Variants in ATXN2 observed in about 807,000 individuals in gnomAD.
The protein encoded by ATXN2 is ataxin-2.
A neutral mutation model predicts 138.6 loss-of-function variants in ATXN2; 37 were observed. The ratio of observed to expected loss-of-function variants is 0.27; its 90% CI spans 0.21 to 0.35. The LOEUF is 0.35. ATXN2 is among the 10% of genes least tolerant of loss of function. The pLI is 1.00. For synonymous variants in ATXN2, 549 were observed against 543.7 expected, an observed-to-expected ratio of 1.01 and a Z score of -0.13; for missense variants, 1,216 against 1,480.3, an observed-to-expected ratio of 0.82 and a Z score of 2.93.
At chr12:111,594,315 A>G (rs913566389) in intron 1 of ATXN2, among the ~76,000 whole-genome samples, 2 of 152,078 alleles carry the variant, frequency 1.3e-5, no homozygotes, top group African/African-American at 4.8e-5. Context: ...TGGAAGCATG[A>G]TGAACAACTA....
intron 18 of ATXN2, among the ~76,000 whole-genome samples, chr12:111,479,605 G>A (rs1877074239): frequency 6.6e-6 from 1 of 152,016 alleles, no homozygotes; most frequent in Non-Finnish European, 1.5e-5. Flanking sequence ...CACTGTTTAG[G>A]ACACACATAT....
intron 23 of ATXN2, chr12:111,454,882 C>A (rs1223199865): frequency 3.4e-6 from 2 of 591,250 alleles, no homozygotes; most frequent in East Asian, 2.9e-5. Flanking sequence ...GACCCCAGCT[C>A]TTATGAAGCT....
intron 21 of ATXN2, among the ~76,000 whole-genome samples, chr12:111,459,578 C>CTA (rs1396235286): frequency 6.6e-6 from 1 of 150,686 alleles, no homozygotes; most frequent in Non-Finnish European, 1.5e-5. Flanking sequence ...GTAGCTGGAA[C>CTA]TATAGGCAAG....
chr12:111,470,084 A>G (rs1038514337), intron 20 of ATXN2, 24 bp downstream of exon 20: 14 of 1,610,930 alleles, frequency 8.7e-6, no homozygotes, highest in Non-Finnish European at 1.2e-5. Flanking sequence ...ACACACTGGA[A>G]GAGACAAACA....
Position 111,599,138 on chromosome 12 carries a change from G to C in ATXN2, c.-104C>G. The C allele has an allele frequency of 8.2e-7, 1 of 1,218,296 alleles. No homozygotes were observed. 75.5% of individuals were successfully genotyped at this position (1,218,296 alleles called of 1,614,324 possible). A position where few individuals can be genotyped will look rare whatever the true frequency, so the allele number is the denominator to read the frequency against. On this transcript the variant is annotated 5_prime_UTR_variant, in exon 1 of 25. Transcript: ENST00000673436. ...CGGCGGGGACGCGCGGGCGCCGAGC[G>C]GGGAGGCGCGGGTTGGCGCGGCCGG...
chr12:111,531,746 G>A (rs906912076), intron 5 of ATXN2, among the ~76,000 whole-genome samples: 2 of 152,206 alleles, frequency 1.3e-5, no homozygotes, highest in Non-Finnish European at 2.9e-5. Flanking sequence ...CCTCAGGCTA[G>A]AATGGGGTAG....
chr12:111,503,196 C>T (rs1047535878), intron 14 of ATXN2, among the ~76,000 whole-genome samples: 2 of 152,184 alleles, frequency 1.3e-5, no homozygotes, highest in African/African-American at 2.4e-5. Context: ...TGAACAAATG[C>T]AGTTTGGGGC....
chr12:111,555,684 G>A (rs927576148), intron 2 of ATXN2, among the ~76,000 whole-genome samples, 199 bp downstream of exon 2: 5 of 151,292 alleles, frequency 3.3e-5, no homozygotes, highest in Non-Finnish European at 7.4e-5. Flanking sequence ...TGTAAGAATG[G>A]ACTAATACAA....
intron 11 of ATXN2, chr12:111,511,391 T>C (rs1414622733): frequency 6.6e-6 from 1 of 152,130 alleles, no homozygotes; most frequent in Non-Finnish European, 1.5e-5. Flanking sequence ...CTTCTAATCA[T>C]GTTATTCTCA....
chr12:111,542,333 C>T (rs543492036), intron 5 of ATXN2, among the ~76,000 whole-genome samples: 4 of 151,480 alleles, frequency 2.6e-5, no homozygotes, highest in African/African-American at 7.3e-5. Flanking sequence ...TGGATTCAAG[C>T]GATTCTCCTG....
Position 111,464,660 on chromosome 12 carries a change from A to G in ATXN2, c.2896+2T>C, listed in dbSNP as rs1875865127. 1 of 1,608,048 alleles carries G rather than the reference A, an allele frequency of 6.2e-7. No individual in the cohort carries two copies. The highest frequency in any genetic ancestry group is 8.5e-7 in the Non-Finnish European group (1 of 1,175,220). ...AAAATTAGTATAAAAAACCCAACTCACTGGCAAAGTAGAAAGAAGGGCTTG... is the reference window on the plus strand; with the variant it reads ...AAAATTAGTATAAAAAACCCAACTCGCTGGCAAAGTAGAAAGAAGGGCTTG... On this transcript the variant is annotated splice_donor_variant, in intron 21 of 24. Transcript: ENST00000673436. LOFTEE classifies it high-confidence loss of function.
In ATXN2 at chr12:111,545,562, T is replaced by TA. The variant is rs566428995; in HGVS notation, c.571+6717dup. The stretch of plus-strand genomic sequence containing the variant: ...CTGGGTGACAGACCGAGACTCCATC[T>TA]AAAAAAAAAGAAAAAGAAAAAGAGA... On this transcript the variant is annotated intron_variant, in intron 5 of 24. Coordinates refer to ENST00000673436, the MANE Select transcript of ATXN2 (RefSeq NM_001372574.1). 8.2e-4 allele frequency among the ~76,000 whole-genome samples: 122 copies of TA among 148,116 alleles called. 2 individuals carry two copies. In the South Asian group the frequency reaches 0.025, roughly 30 times the overall value.
intron 1 of ATXN2, among the ~76,000 whole-genome samples, chr12:111,568,338 A>G (rs1169957403): frequency 1.3e-5 from 2 of 151,980 alleles, no homozygotes; most frequent in Non-Finnish European, 2.9e-5. Context: ...ACCATACAAT[A>G]TAATTATAGA....
At chr12:111,554,301 T>C in intron 2 of ATXN2, 84 bp from the exon 3 acceptor site, 2 of 960,310 alleles carry the variant, frequency 2.1e-6, no homozygotes, top group African/African-American at 3.4e-5. Flanking sequence ...ACCAGAAGTA[T>C]TTTAGACTGC....
chr12:111,547,749 A>G (rs1205304762), intron 5 of ATXN2, among the ~76,000 whole-genome samples: 2 of 151,202 alleles, frequency 1.3e-5, no homozygotes, highest in Non-Finnish European at 2.9e-5. Context: ...AAGAAAAAAA[A>G]GGTTTCCCCA....
At position 111,485,249 on chromosome 12, in the gene ATXN2, G is replaced by A; in HGVS notation, c.2524+16C>T. On this transcript the variant is annotated intron_variant, in intron 18 of 24. Transcript: ENST00000673436. Reference sequence around the variant, plus strand: ...GCATGCAAACTACAAGCAAACACAGGCAGGATTATTCTCACCTTTACCTGC... The same window carrying A: ...GCATGCAAACTACAAGCAAACACAGACAGGATTATTCTCACCTTTACCTGC... The A allele has an allele frequency of 2.5e-6, 4 of 1,599,130 alleles. No individual in the cohort carries two copies. The highest frequency in any genetic ancestry group is 8.5e-7 in the Non-Finnish European group (1 of 1,169,764).
intron 5 of ATXN2, among the ~76,000 whole-genome samples, chr12:111,534,293 C>T (rs1053052090): frequency 2.0e-5 from 3 of 151,740 alleles, no homozygotes; most frequent in South Asian, 2.1e-4. Context: ...CCCAGGTACT[C>T]GGGAGGCTGA....
intron 21 of ATXN2, among the ~76,000 whole-genome samples, chr12:111,463,355 T>C (rs1298839030): frequency 6.6e-6 from 1 of 152,126 alleles, no homozygotes; most frequent in Admixed American, 6.6e-5. Context: ...AGTGCAGTGG[T>C]ACAATCTCAG....
chr12:111,513,317 G>T, intron 11 of ATXN2, 40 bp downstream of exon 11: 1 of 1,599,168 alleles, frequency 6.3e-7, no homozygotes, highest in South Asian at 1.1e-5. Context: ...CTAGTGTAAT[G>T]ACAAAATGAG....
Sources: gnomAD v4.1 joint callset for allele counts (sites outside exome capture counted in the v4.1 genomes callset) on GRCh38, gnomAD v4.1.1 for gene constraint, MANE v1.5 for transcripts, NCBI Gene and HGNC (gene_info 2026-07-23, HGNC 2026-07-21) for gene names.